Variants in BAALC observed in about 807,000 individuals in gnomAD.
The protein encoded by BAALC is BAALC binder of MAP3K1 and KLF4.
Under a neutral mutation model 15.5 loss-of-function variants are expected in BAALC, and 9 were observed. That is an observed-to-expected ratio of 0.58 (90% confidence interval 0.35 to 1.02). The LOEUF is 1.02. Ranked by LOEUF, BAALC falls within the 50% of genes least tolerant of loss-of-function variation. The probability of loss-of-function intolerance (pLI) is 0.02; values close to 1 mark genes in which losing one functional copy is unlikely to be tolerated. For synonymous variants in BAALC, 80 were observed against 74.6 expected (o/e 1.07, Z -0.37); for missense variants, 201 against 192.4 (o/e 1.04, Z -0.27).
At chr8:103,218,959 A>G (rs921977319) in intron 2 of BAALC, among the ~76,000 whole-genome samples, 1 of 152,208 alleles carries the variant, frequency 6.6e-6, no homozygotes. Flanking sequence ...ATATCAAGGG[A>G]GAGTTTGGAA....
In BAALC at chr8:103,205,237, CT is replaced by C. The variant is rs1324351774; in HGVS notation, c.161-7681del. On this transcript the variant is annotated intron_variant, in intron 1 of 2. Coordinates refer to ENST00000309982, the MANE Select transcript of BAALC (RefSeq NM_024812.3). ...TTTTTAATTTCTGTACTCTTCCCTCCTGCCCAGCTCCATTTCCAAAATAGCA... is the reference window on the plus strand; with the variant it reads ...TTTTTAATTTCTGTACTCTTCCCTCCGCCCAGCTCCATTTCCAAAATAGCA... Among the ~76,000 whole-genome samples the C allele has an allele frequency of 2.0e-5, 3 of 152,192 alleles. No homozygotes were observed. The East Asian group carries it at 5.8e-4, about 29-fold the overall frequency.
intron 1 of BAALC, among the ~76,000 whole-genome samples, chr8:103,166,973 G>A (rs923632993): frequency 6.6e-5 from 10 of 152,108 alleles, no homozygotes; most frequent in Admixed American, 1.3e-4. Flanking sequence ...CACAAATGGG[G>A]AACCTATTTC....
intron 2 of BAALC, among the ~76,000 whole-genome samples, chr8:103,218,565 C>G (rs528630357): frequency 2.0e-5 from 3 of 152,122 alleles, no homozygotes; most frequent in Non-Finnish European, 4.4e-5. Context: ...TATTCCCCCC[C>G]ACCCCTTAAA....
At chr8:103,167,770 A>G (rs1220340692) in intron 1 of BAALC, among the ~76,000 whole-genome samples, 1 of 152,188 alleles carries the variant, frequency 6.6e-6, no homozygotes, top group Admixed American at 6.6e-5. Flanking sequence ...ATCACATGGG[A>G]GCATGTAGGC....
intron 1 of BAALC, among the ~76,000 whole-genome samples, chr8:103,206,455 G>A (rs963557518): frequency 1.3e-5 from 2 of 152,140 alleles, no homozygotes; most frequent in African/African-American, 4.8e-5. Flanking sequence ...CCTGCAAGGA[G>A]GAAGGAGCTA....
chr8:103,229,893 G>A lies in BAALC; in HGVS notation c.*1794G>A, dbSNP rs900259369. 1.3e-5 allele frequency: 2 copies of A among 152,164 alleles called. No individual in the cohort carries two copies. The highest frequency in any genetic ancestry group is 2.9e-5 in the Non-Finnish European group (2 of 68,022). The allele number at this position is 152,164 out of a possible 1,614,324, so 9.4% of individuals were successfully genotyped here. ...AACCTGTGATTCATATGTCCCCACT[G>A]GCATTACTCAGCAGGAGCCCCCAGC... On this transcript the variant is annotated 3_prime_UTR_variant, in exon 3 of 3. Transcript: ENST00000309982.
intron 1 of BAALC, among the ~76,000 whole-genome samples, chr8:103,147,796 C>A (rs557167623): frequency 6.6e-6 from 1 of 152,306 alleles, no homozygotes; most frequent in South Asian, 2.1e-4. Context: ...AAATCCTATC[C>A]CTATAAAGAC....
At chr8:103,165,635 C>A (rs1811328740) in intron 1 of BAALC, 1 of 152,184 alleles carries the variant, frequency 6.6e-6, no homozygotes, top group Admixed American at 6.5e-5. Context: ...AACCAGAATG[C>A]ATTTTCTTAC....
intron 1 of BAALC, among the ~76,000 whole-genome samples, chr8:103,199,651 C>A (rs932607071): frequency 2.7e-5 from 4 of 150,160 alleles, no homozygotes; most frequent in Non-Finnish European, 5.9e-5. Context: ...CATCTAATTT[C>A]TTTCTTTTTT....
chr8:103,220,471 T>A (rs117390132), intron 2 of BAALC, among the ~76,000 whole-genome samples: 1 of 152,326 alleles, frequency 6.6e-6, no homozygotes, highest in Non-Finnish European at 1.5e-5. Context: ...TTCACACATG[T>A]GTTCATGGTC....
chr8:103,205,805 T>G (rs1812314659), intron 1 of BAALC, among the ~76,000 whole-genome samples: 1 of 152,226 alleles, frequency 6.6e-6, no homozygotes, highest in African/African-American at 2.4e-5. Context: ...CCACAAGCTT[T>G]GGAAACATAC....
At chr8:103,144,339 T>A (rs1462133647) in intron 1 of BAALC, among the ~76,000 whole-genome samples, 2 of 152,214 alleles carry the variant, frequency 1.3e-5, no homozygotes, top group African/African-American at 2.4e-5. Context: ...TTGAATTAAT[T>A]TTTTAGATTT....
chr8:103,213,291 G>A, intron 2 of BAALC: 1 of 547,464 alleles, frequency 1.8e-6, no homozygotes, highest in South Asian at 3.0e-5. Flanking sequence ...TTGTTTCCAT[G>A]TGTATGTTTG....
At chr8:103,182,860 G>A (rs549016759) in intron 1 of BAALC, among the ~76,000 whole-genome samples, 111 of 152,288 alleles carry the variant, frequency 7.3e-4, no homozygotes, top group Non-Finnish European at 1.2e-3. Context: ...AGGCTCCAGG[G>A]TGAGCTAACT....
At chr8:103,225,771 C>A (rs966063169) in intron 2 of BAALC, among the ~76,000 whole-genome samples, 2 of 151,876 alleles carry the variant, frequency 1.3e-5, no homozygotes, top group Admixed American at 1.3e-4. Flanking sequence ...CAGATGAGGG[C>A]AATTCTCAAA....
intron 2 of BAALC, 65 bp downstream of exon 2, chr8:103,213,150 G>A: frequency 6.5e-7 from 1 of 1,535,254 alleles, no homozygotes; most frequent in Non-Finnish European, 8.9e-7. Context: ...CTTCAGGGCA[G>A]AGCCACCCAG....
chr8:103,177,198 T>G (rs910581032), intron 1 of BAALC, among the ~76,000 whole-genome samples: 11 of 148,194 alleles, frequency 7.4e-5, no homozygotes, highest in South Asian at 2.1e-4. Context: ...GTTTTGTTTT[T>G]TTTTTTTTGA....
At chr8:103,154,014 G>A (rs537366763) in intron 1 of BAALC, among the ~76,000 whole-genome samples, 9 of 152,270 alleles carry the variant, frequency 5.9e-5, no homozygotes, top group South Asian at 2.1e-4. Context: ...GTTTGAAACC[G>A]AGGCCTCATT....
intron 1 of BAALC, among the ~76,000 whole-genome samples, chr8:103,161,361 C>T (rs992631652): frequency 6.6e-6 from 1 of 151,810 alleles, no homozygotes; most frequent in Non-Finnish European, 1.5e-5. Flanking sequence ...TATTTAGATG[C>T]TTTTCATTTT....
Sources: allele counts gnomAD v4.1 joint callset (sites outside exome capture counted in the v4.1 genomes callset), GRCh38; gene constraint gnomAD v4.1.1; transcripts MANE v1.5; gene names NCBI Gene and HGNC (gene_info 2026-07-23, HGNC 2026-07-21).